The following BMERB1 variants were observed in gnomAD, a reference collection of about 807,000 sequenced individuals.
BMERB1 encodes the protein bMERB domain-containing protein 1.
BMERB1 carries 12 observed loss-of-function variants against 23.6 expected under a neutral mutation model. That is an observed-to-expected ratio of 0.51 (90% CI 0.33 to 0.82). The LOEUF is 0.82. Among genes scored for constraint, BMERB1 ranks in the 40% least tolerant of loss-of-function variants. The pLI is 0.03. For missense variants in BMERB1, 247 were observed against 255.4 expected (o/e 0.97, Z 0.22); for synonymous variants, 122 against 96.6 (o/e 1.26, Z -1.54).
chr16:15,489,913 C>G (rs1567466509), intron 1 of BMERB1, among the ~76,000 whole-genome samples: 1 of 152,172 alleles, frequency 6.6e-6, no homozygotes, highest in Non-Finnish European at 1.5e-5. Context: ...GTCGCCCAGG[C>G]TGCAGTGCAG....
chr16:15,579,573 T>C (rs568339286), intron 3 of BMERB1, among the ~76,000 whole-genome samples: 1 of 152,360 alleles, frequency 6.6e-6, no homozygotes, highest in African/African-American at 2.4e-5. Context: ...CCACATTTTT[T>C]ATTCTGAAGG....
chr16:15,546,740 A>C (rs1227447146), intron 2 of BMERB1, among the ~76,000 whole-genome samples: 1 of 152,068 alleles, frequency 6.6e-6, no homozygotes, highest in African/African-American at 2.4e-5. Flanking sequence ...ACTTAATCTA[A>C]ATGGGTCCAG....
chr16:15,553,481 C>A (rs898606551), intron 2 of BMERB1, among the ~76,000 whole-genome samples: 1 of 152,216 alleles, frequency 6.6e-6, no homozygotes, highest in African/African-American at 2.4e-5. Flanking sequence ...GTACTAAACA[C>A]CTTAGGCTCT....
At chr16:15,434,997 T>C (rs1045415390) in intron 1 of BMERB1, among the ~76,000 whole-genome samples, 1 of 152,226 alleles carries the variant, frequency 6.6e-6, no homozygotes, top group African/African-American at 2.4e-5. Flanking sequence ...GCCAGGCAGC[T>C]AAGGCAGGAG....
At chr16:15,457,944 A>G (rs2051099176) in intron 1 of BMERB1, among the ~76,000 whole-genome samples, 1 of 152,230 alleles carries the variant, frequency 6.6e-6, no homozygotes, top group African/African-American at 2.4e-5. Flanking sequence ...AGAACGAGCA[A>G]GAACAGGGAA....
chr16:15,582,963 T>C lies in BMERB1; in HGVS notation c.420-193T>C, dbSNP rs543639534. On this transcript the variant is annotated intron_variant, in intron 4 of 5. Transcript: ENST00000300006. ...CTCTGGGTAAGCATTTACCCCATCA[T>C]TGATATGTGTCTCTGGTTCAGAGCA... 1.1e-4 allele frequency among the ~76,000 whole-genome samples: 16 copies of C among 152,322 alleles called. No individual in the cohort carries two copies. The South Asian group carries it at 3.3e-3, about 32-fold the overall frequency.
Position 15,587,081 on chromosome 16 carries a change from T to G in BMERB1, c.*252T>G. The G allele has an allele frequency of 2.0e-6, 1 of 490,124 alleles. No individual in the cohort carries two copies. The highest frequency in any genetic ancestry group is 3.6e-6 in the Non-Finnish European group (1 of 277,092). The allele number at this position is 490,124 out of a possible 1,614,324, so 30.4% of individuals were successfully genotyped here. ...ACCCAGGAGTCTGTCTCACTGTTTA[T>G]CCAAACACCAGGAAAGGTCCTCCCT... is the stretch of plus-strand genomic sequence containing the variant. On this transcript the variant is annotated 3_prime_UTR_variant, in exon 6 of 6. Coordinates refer to ENST00000300006, the MANE Select transcript of BMERB1 (RefSeq NM_033201.3).
chr16:15,501,771 T>G (rs2051533031), intron 1 of BMERB1, among the ~76,000 whole-genome samples: 1 of 152,046 alleles, frequency 6.6e-6, no homozygotes, highest in Non-Finnish European at 1.5e-5. Context: ...GCCACCGTGC[T>G]CTGCCACGGC....
At chr16:15,458,763 A>G (rs2051109979) in intron 1 of BMERB1, among the ~76,000 whole-genome samples, 1 of 151,868 alleles carries the variant, frequency 6.6e-6, no homozygotes, top group Non-Finnish European at 1.5e-5. Flanking sequence ...TAAAAGTTCA[A>G]GGAAACCTCA....
At chr16:15,574,938 G>A (rs1033763254) in intron 3 of BMERB1, among the ~76,000 whole-genome samples, 11 of 152,146 alleles carry the variant, frequency 7.2e-5, no homozygotes, top group Non-Finnish European at 1.5e-4. Flanking sequence ...AATTAGCCGC[G>A]TGTGGTGGCG....
chr16:15,586,837 G>A lies in BMERB1; in HGVS notation c.*8G>A, dbSNP rs147145081. On this transcript the variant is annotated 3_prime_UTR_variant, in exon 6 of 6. Coordinates refer to ENST00000300006, the MANE Select transcript of BMERB1 (RefSeq NM_033201.3). Reference sequence around the variant, plus strand: ...CAGTGCAACATCATGTAGCCCCCACGTGGGGTGCCCTGGGCCATGGGGACC... The same window carrying A: ...CAGTGCAACATCATGTAGCCCCCACATGGGGTGCCCTGGGCCATGGGGACC... 186 of 1,583,266 alleles carry A rather than the reference G, an allele frequency of 1.2e-4. No homozygotes were observed. The African/African-American group carries it at 1.4e-3, about 12-fold the overall frequency.
chr16:15,568,320 G>A (rs2030634117), intron 3 of BMERB1, among the ~76,000 whole-genome samples: 2 of 152,192 alleles, frequency 1.3e-5, no homozygotes. Context: ...GTAATAGTAA[G>A]AGGGTCTAAT....
intron 1 of BMERB1, among the ~76,000 whole-genome samples, chr16:15,453,836 T>A (rs769451538): frequency 1.3e-5 from 2 of 152,176 alleles, no homozygotes; most frequent in Admixed American, 6.5e-5. Context: ...ATTTCGCCAC[T>A]GCACTCCAGC....
intron 1 of BMERB1, among the ~76,000 whole-genome samples, chr16:15,443,381 C>CCG (rs1555504999): frequency 6.6e-6 from 1 of 150,978 alleles, no homozygotes; most frequent in African/African-American, 2.4e-5. Flanking sequence ...TGGCGAAACC[C>CCG]TGTCTCTACC....
chr16:15,575,573 G>T (rs1349861539), intron 3 of BMERB1, among the ~76,000 whole-genome samples: 1 of 152,106 alleles, frequency 6.6e-6, no homozygotes, highest in African/African-American at 2.4e-5. Flanking sequence ...CAAAGAATTG[G>T]ACAAAATGCA....
At chr16:15,518,139 G>T (rs2051797237) in intron 2 of BMERB1, among the ~76,000 whole-genome samples, 1 of 152,186 alleles carries the variant, frequency 6.6e-6, no homozygotes. Flanking sequence ...TTAAGAGGCA[G>T]CTCTGCAGTA....
chr16:15,577,386 G>A (rs891052596), intron 3 of BMERB1, among the ~76,000 whole-genome samples: 4 of 152,158 alleles, frequency 2.6e-5, no homozygotes, highest in African/African-American at 9.7e-5. Context: ...CTTCACTCCT[G>A]TATCATTAGC....
rs189529363 is a variant in BMERB1 at position 15,582,362 on chromosome 16, A to G, written c.420-794A>G. Among the ~76,000 whole-genome samples, 971 of 152,250 alleles carry G rather than the reference A, an allele frequency of 6.4e-3. 5 individuals are homozygous for G. Among genetic ancestry groups the G allele is most frequent in the Middle Eastern group, 0.02 (6 of 294 alleles). On this transcript the variant is annotated intron_variant, in intron 4 of 5. Transcript: ENST00000300006. ...GTTGCAGTGAGCCAAGATTGCACCAATGCACTCTAGCCTGGGTGACAGAGT... is the reference window on the plus strand; with the variant it reads ...GTTGCAGTGAGCCAAGATTGCACCAGTGCACTCTAGCCTGGGTGACAGAGT...
At chr16:15,501,153 A>AT (rs1388179885) in intron 1 of BMERB1, among the ~76,000 whole-genome samples, 1 of 150,202 alleles carries the variant, frequency 6.7e-6, no homozygotes, top group African/African-American at 2.5e-5. Flanking sequence ...CTTTTTTTTT[A>AT]TTTTTAAGAG....
Sources: allele counts gnomAD v4.1 joint callset (sites outside exome capture counted in the v4.1 genomes callset), GRCh38; gene constraint gnomAD v4.1.1; transcripts MANE v1.5; gene names NCBI Gene and HGNC (gene_info 2026-07-23, HGNC 2026-07-21).